Variants in R3HDM2 observed in about 807,000 individuals in gnomAD.
The protein encoded by R3HDM2 is R3H domain-containing protein 2.
A neutral mutation model predicts 124.5 loss-of-function variants in R3HDM2; 38 were observed. That is an observed-to-expected ratio of 0.31 (90% CI 0.24 to 0.40). R3HDM2 has a LOEUF of 0.40. Ranked by LOEUF, R3HDM2 falls within the 10% of genes least tolerant of loss-of-function variation. The pLI is 1.00. For missense variants in R3HDM2, 869 were observed against 1,236.9 expected, an observed-to-expected ratio of 0.70 and a Z score of 4.46; for synonymous variants, 391 against 448.0, an observed-to-expected ratio of 0.87 and a Z score of 1.61.
intron 2 of R3HDM2, among the ~76,000 whole-genome samples, chr12:57,356,035 A>G (rs1566310610): frequency 6.6e-6 from 1 of 152,128 alleles, no homozygotes; most frequent in Non-Finnish European, 1.5e-5. Context: ...TCCCTTTTCA[A>G]TCTTATGCCT....
intron 2 of R3HDM2, among the ~76,000 whole-genome samples, chr12:57,356,903 C>T (rs958743157): frequency 6.7e-6 from 1 of 150,260 alleles, no homozygotes; most frequent in Admixed American, 6.6e-5. Flanking sequence ...GTCAGGAAAT[C>T]GAGACCATCC....
intron 17 of R3HDM2, 160 bp from the exon 18 acceptor site, chr12:57,268,617 TG>T: frequency 1.2e-6 from 1 of 812,642 alleles, no homozygotes; most frequent in South Asian, 1.8e-5. Context: ...TTTCCAGAGC[TG>T]TCTCTATTTC....
At chr12:57,378,992 T>C (rs2138234126) in intron 2 of R3HDM2, among the ~76,000 whole-genome samples, 1 of 152,278 alleles carries the variant, frequency 6.6e-6, no homozygotes, top group African/African-American at 2.4e-5. Context: ...ATTCCACTTA[T>C]ATGAGGTAGT....
chr12:57,338,017 C>T (rs978165073), intron 2 of R3HDM2, among the ~76,000 whole-genome samples: 8 of 152,106 alleles, frequency 5.3e-5, no homozygotes, highest in African/African-American at 1.2e-4. Flanking sequence ...AGAAAAAACA[C>T]GCATGGCCGG....
chr12:57,373,208 C>T (rs907561227), intron 2 of R3HDM2, among the ~76,000 whole-genome samples: 8 of 152,102 alleles, frequency 5.3e-5, no homozygotes, highest in African/African-American at 1.9e-4. Context: ...TCTCTAAAAA[C>T]AGTAATAACA....
intron 2 of R3HDM2, among the ~76,000 whole-genome samples, chr12:57,371,083 C>CTT (rs775839017): frequency 0.013 from 520 of 40,876 alleles, 66 homozygotes; most frequent in African/African-American, 0.037. Flanking sequence ...TATACCATTA[C>CTT]TTTTTTTTTT....
chr12:57,272,974 C>T (rs1036949931), intron 14 of R3HDM2, among the ~76,000 whole-genome samples: 3 of 152,170 alleles, frequency 2.0e-5, no homozygotes, highest in African/African-American at 7.2e-5. Flanking sequence ...TGACTGCCCA[C>T]TTGAGAAGAG....
chr12:57,365,516 T>C lies in R3HDM2; in HGVS notation c.-36+30233A>G, dbSNP rs13377950. On this transcript the variant is annotated intron_variant, in intron 2 of 23. Coordinates refer to ENST00000402412, the MANE Select transcript of R3HDM2 (RefSeq NM_001394031.1). ...CTAGTTTTAAGCAATTTGATTAAAA[T>C]GCACCTTGGTATAACTTTCTTCATG... 8.1e-3 allele frequency among the ~76,000 whole-genome samples: 1,238 copies of C among 152,342 alleles called. 16 individuals carry two copies. Among genetic ancestry groups the C allele is most frequent in the African/African-American group, 0.028 (1,155 of 41,582 alleles).
chr12:57,367,687 C>T (rs1594025138), intron 2 of R3HDM2, among the ~76,000 whole-genome samples: 1 of 152,212 alleles, frequency 6.6e-6, no homozygotes, highest in East Asian at 1.9e-4. Context: ...CTATGCTACT[C>T]TTTGTCCAAT....
intron 2 of R3HDM2, among the ~76,000 whole-genome samples, chr12:57,394,280 G>C (rs1483231563): frequency 1.3e-5 from 2 of 151,294 alleles, no homozygotes; most frequent in African/African-American, 4.9e-5. Flanking sequence ...CTGGGTGACA[G>C]AGCAAGAGCC....
chr12:57,286,480 C>G (rs2047362917), intron 12 of R3HDM2, among the ~76,000 whole-genome samples: 1 of 152,176 alleles, frequency 6.6e-6, no homozygotes, highest in Non-Finnish European at 1.5e-5. Flanking sequence ...GCGTTTTGGA[C>G]TAGTATCCAA....
At chr12:57,329,542 T>C (rs1270786483) in intron 2 of R3HDM2, among the ~76,000 whole-genome samples, 3 of 152,194 alleles carry the variant, frequency 2.0e-5, no homozygotes, top group African/African-American at 4.8e-5. Context: ...CCCCTAATCA[T>C]TTTATAGTAA....
intron 12 of R3HDM2, among the ~76,000 whole-genome samples, chr12:57,287,837 T>C (rs1463305734): frequency 6.6e-6 from 1 of 152,026 alleles, no homozygotes; most frequent in East Asian, 1.9e-4. Flanking sequence ...TCCTCTGGGG[T>C]AGGATTGAGA....
chr12:57,326,790 T>C (rs1327568776), intron 2 of R3HDM2, among the ~76,000 whole-genome samples: 1 of 152,220 alleles, frequency 6.6e-6, no homozygotes, highest in African/African-American at 2.4e-5. Flanking sequence ...ATTCTCTTGT[T>C]AGGGTCTAAT....
chr12:57,332,543 T>C (rs148534908), intron 2 of R3HDM2, among the ~76,000 whole-genome samples: 172 of 152,060 alleles, frequency 1.1e-3, no homozygotes, highest in African/African-American at 4.0e-3. Flanking sequence ...CAAATTCAGA[T>C]CAGGATGGCT....
chr12:57,317,533 C>T (rs1238488807), intron 2 of R3HDM2, among the ~76,000 whole-genome samples: 1 of 151,830 alleles, frequency 6.6e-6, no homozygotes, highest in African/African-American at 2.4e-5. Context: ...AATCTCGACC[C>T]TCCCTATCTC....
chr12:57,293,566 C>T (rs1026263925), intron 10 of R3HDM2, among the ~76,000 whole-genome samples: 4 of 152,160 alleles, frequency 2.6e-5, no homozygotes, highest in African/African-American at 4.8e-5. Flanking sequence ...CTTTCCTCTC[C>T]TGGCCTGTAA....
intron 11 of R3HDM2, among the ~76,000 whole-genome samples, chr12:57,290,385 T>A (rs987129438): frequency 6.6e-6 from 1 of 152,238 alleles, no homozygotes; most frequent in Admixed American, 6.5e-5. Context: ...GTTAAGAGCA[T>A]AGACTCTGGA....
intron 12 of R3HDM2, among the ~76,000 whole-genome samples, chr12:57,288,429 A>G (rs1240901342): frequency 1.3e-5 from 2 of 151,904 alleles, no homozygotes; most frequent in African/African-American, 2.4e-5. Flanking sequence ...TTTCTTAAAG[A>G]TATCTTTAAG....
Sources: allele counts gnomAD v4.1 joint callset (sites outside exome capture counted in the v4.1 genomes callset), GRCh38; gene constraint gnomAD v4.1.1; transcripts MANE v1.5; gene names NCBI Gene and HGNC (gene_info 2026-07-23, HGNC 2026-07-21).